NBAS: variants seen among roughly 807,000 people sequenced by gnomAD.
NBAS encodes NBAS subunit of NRZ tethering complex, also known as NAG/BC035112 fusion.
NBAS carries 219 observed loss-of-function variants against 302.5 expected under a neutral mutation model. The ratio of observed to expected loss-of-function variants is 0.72; its 90% CI spans 0.65 to 0.81. The LOEUF (loss-of-function observed/expected upper bound fraction) is 0.81, where lower values mean the gene tolerates loss of function less well. Among genes scored for constraint, NBAS ranks in the 30% least tolerant of loss-of-function variants. The pLI is 0.00. For synonymous variants in NBAS, 1,118 were observed against 1,021.6 expected (o/e 1.09, Z -1.80); for missense variants, 2,932 against 2,841.6 (o/e 1.03, Z -0.72).
intron 44 of NBAS, among the ~76,000 whole-genome samples, chr2:15,262,223 G>A (rs370782394): frequency 7.9e-5 from 12 of 152,300 alleles, no homozygotes; most frequent in African/African-American, 2.6e-4. Flanking sequence ...ACCAGGTATC[G>A]TCCTGCAACT....
intron 32 of NBAS, among the ~76,000 whole-genome samples, chr2:15,357,159 C>T (rs1673659048): frequency 6.6e-6 from 1 of 152,188 alleles, no homozygotes; most frequent in Admixed American, 6.5e-5. Context: ...TGCCTCCTTA[C>T]CACAGTGATT....
chr2:15,283,831 G>A (rs959806692), intron 42 of NBAS, among the ~76,000 whole-genome samples: 1 of 152,162 alleles, frequency 6.6e-6, no homozygotes, highest in Non-Finnish European at 1.5e-5. Context: ...GTGGCTGTGG[G>A]CAGATTTGGA....
At chr2:14,972,724 T>C in the NBAS span, among the ~76,000 whole-genome samples, 1 of 152,212 alleles carries the variant, frequency 6.6e-6, no homozygotes, top group Non-Finnish European at 1.5e-5. Flanking sequence ...AGAAATCGTC[T>C]GAAAGTAGCC....
chr2:15,104,899 T>G, the NBAS span, among the ~76,000 whole-genome samples: 1 of 152,146 alleles, frequency 6.6e-6, no homozygotes, highest in Admixed American at 6.6e-5. Flanking sequence ...TTGATGGGGT[T>G]GCTTTTTCTT....
the NBAS span, among the ~76,000 whole-genome samples, chr2:14,884,023 T>C: frequency 1.3e-5 from 2 of 151,368 alleles, no homozygotes; most frequent in African/African-American, 4.9e-5. Context: ...GGTAAGGAAC[T>C]TAAATACAAC....
chr2:15,426,013 C>T (rs776459275), intron 22 of NBAS, among the ~76,000 whole-genome samples: 7 of 152,152 alleles, frequency 4.6e-5, no homozygotes, highest in Non-Finnish European at 1.0e-4. Flanking sequence ...GTTAGCCCAG[C>T]TCTCTTCTTG....
intron 48 of NBAS, among the ~76,000 whole-genome samples, chr2:15,206,931 G>A (rs1266774895): frequency 6.6e-6 from 1 of 152,230 alleles, no homozygotes; most frequent in African/African-American, 2.4e-5. Flanking sequence ...GAGGGGAAAT[G>A]TGGGGTTGGA....
the NBAS span, among the ~76,000 whole-genome samples, chr2:15,059,952 A>AC: frequency 2.0e-5 from 2 of 102,086 alleles, no homozygotes; most frequent in Non-Finnish European, 3.6e-5. Context: ...GCTGCTAAAA[A>AC]AAAAAAAAAA....
intron 42 of NBAS, among the ~76,000 whole-genome samples, chr2:15,284,034 A>T (rs1669935690): frequency 6.6e-6 from 1 of 152,144 alleles, no homozygotes; most frequent in African/African-American, 2.4e-5. Context: ...TGGAACCAAG[A>T]GGCTGAGAGA....
the NBAS span, among the ~76,000 whole-genome samples, chr2:14,808,531 G>C: frequency 1.3e-5 from 2 of 152,158 alleles, no homozygotes; most frequent in African/African-American, 2.4e-5. Context: ...CCCTGCACAA[G>C]CTCTCTTTGC....
At chr2:14,933,059 G>C in the NBAS span, among the ~76,000 whole-genome samples, 3 of 152,194 alleles carry the variant, frequency 2.0e-5, no homozygotes, top group Non-Finnish European at 4.4e-5. Flanking sequence ...AAGTGTGAAA[G>C]CTGCAGAAGT....
the NBAS span, among the ~76,000 whole-genome samples, chr2:14,949,131 G>A: frequency 8.6e-5 from 13 of 151,976 alleles, no homozygotes; most frequent in Admixed American, 2.0e-4. Flanking sequence ...TTGAAACTAC[G>A]AAACTTCTAG....
chr2:15,117,798 C>G, the NBAS span, among the ~76,000 whole-genome samples: 1 of 152,222 alleles, frequency 6.6e-6, no homozygotes, highest in Admixed American at 6.5e-5. Flanking sequence ...CTGTGCCCAA[C>G]CTCCTCCCAC....
intron 48 of NBAS, among the ~76,000 whole-genome samples, chr2:15,196,212 T>C (rs1336477939): frequency 7.2e-5 from 11 of 152,198 alleles, no homozygotes; most frequent in Admixed American, 6.5e-4. Flanking sequence ...TACAAAGCCA[T>C]ATGGATTTGC....
chr2:15,436,914 C>T (rs929544142), intron 21 of NBAS, among the ~76,000 whole-genome samples: 1 of 152,058 alleles, frequency 6.6e-6, no homozygotes, highest in African/African-American at 2.4e-5. Context: ...GATAGATAGA[C>T]AGGAGGATGG....
chr2:14,832,675 G>A, the NBAS span, among the ~76,000 whole-genome samples: 5 of 152,190 alleles, frequency 3.3e-5, no homozygotes, highest in Non-Finnish European at 7.3e-5. Context: ...CCTAGAACCA[G>A]CTGGGAAGTT....
chr2:15,064,321 T>G, the NBAS span, among the ~76,000 whole-genome samples: 1 of 108,058 alleles, frequency 9.3e-6, no homozygotes, highest in Non-Finnish European at 1.9e-5. Context: ...AAAAAAAAAA[T>G]CAGAAACGAG....
chr2:15,174,861 A>G (rs992140737), intron 51 of NBAS, among the ~76,000 whole-genome samples: 3 of 152,244 alleles, frequency 2.0e-5, no homozygotes, highest in African/African-American at 7.2e-5. Flanking sequence ...ACAAAAAAAG[A>G]GAATGTACCT....
At chr2:15,405,517 G>A (rs1676367048) in intron 25 of NBAS, among the ~76,000 whole-genome samples, 1 of 152,012 alleles carries the variant, frequency 6.6e-6, no homozygotes, top group African/African-American at 2.4e-5. Context: ...AGCTAAAAGA[G>A]GACAGCCCAT....
Sources: gnomAD v4.1 joint callset for allele counts (sites outside exome capture counted in the v4.1 genomes callset) on GRCh38, gnomAD v4.1.1 for gene constraint, MANE v1.5 for transcripts, NCBI Gene and HGNC (gene_info 2026-07-23, HGNC 2026-07-21) for gene names.